Variants in NCOR2 observed in about 807,000 individuals in gnomAD.
The protein encoded by NCOR2 is CTG repeat protein 26.
NCOR2 carries 81 observed loss-of-function variants against 262.9 expected under a neutral mutation model. That is an observed-to-expected ratio of 0.31 (90% CI 0.26 to 0.37). NCOR2 has a LOEUF of 0.37. NCOR2 is among the 10% of genes least tolerant of loss of function. The pLI is 1.00. For missense variants in NCOR2, 3,385 were observed against 3,621.4 expected (o/e 0.93, Z 1.68); for synonymous variants, 1,659 against 1,559.3 (o/e 1.06, Z -1.51).
At chr12:124,528,370 C>A (rs987814500) in intron 1 of NCOR2, among the ~76,000 whole-genome samples, 5 of 152,208 alleles carry the variant, frequency 3.3e-5, no homozygotes, top group Non-Finnish European at 5.9e-5. Flanking sequence ...AATTTACAGG[C>A]CTCCTTCCCC....
intron 27 of NCOR2, among the ~76,000 whole-genome samples, chr12:124,353,570 G>A (rs1047567901): frequency 1.3e-5 from 2 of 152,236 alleles, no homozygotes; most frequent in Non-Finnish European, 2.9e-5. Context: ...AGACACACGT[G>A]GCACAAAACC....
At chr12:124,347,698 G>A (rs2037055714) in intron 30 of NCOR2, 127 bp downstream of exon 32, 1 of 868,656 alleles carries the variant, frequency 1.2e-6, no homozygotes, top group African/African-American at 1.7e-5. Context: ...ATGTACATGT[G>A]TGCTGCAGGC....
At chr12:124,497,118 T>C (rs933182368), upstream of NCOR2, among the ~76,000 whole-genome samples, 6 of 152,222 alleles carry the variant, frequency 3.9e-5, no homozygotes, top group African/African-American at 1.4e-4. This position sits in a 1 kb window ranked among gnomAD's most constrained non-coding sequence, Gnocchi z 4.2. Context: ...CAGCCCAAGC[T>C]GGGTTTCTGT....
chr12:124,334,488 A>G (rs1247274481), exon 41 of NCOR2: 2 of 1,454,930 alleles, frequency 1.4e-6, no homozygotes, highest in South Asian at 1.4e-5. Context: ...GGCGGGAGGT[A>G]GAGGTCACTG....
chr12:124,354,143 T>C, exon 27 of NCOR2: 1 of 1,610,346 alleles, frequency 6.2e-7, no homozygotes, highest in Non-Finnish European at 8.5e-7. Flanking sequence ...GGCACCCGTG[T>C]GCTGGGAATG....
chr12:124,348,282 C>T (rs1482395355), exon 29 of NCOR2: 1 of 1,612,488 alleles, frequency 6.2e-7, no homozygotes, highest in Admixed American at 1.7e-5. Flanking sequence ...CTTCTGCCGT[C>T]CTCCTTGGAG....
At chr12:124,362,478 C>T (rs1291036036) in intron 21 of NCOR2, among the ~76,000 whole-genome samples, 181 bp from the exon 24 acceptor site, 3 of 152,178 alleles carry the variant, frequency 2.0e-5, no homozygotes, top group African/African-American at 7.2e-5. Flanking sequence ...AAGCCCACCT[C>T]CCAGAAAGCC....
intron 3 of NCOR2, among the ~76,000 whole-genome samples, chr12:124,480,694 G>A (rs371204730): frequency 3.9e-5 from 6 of 152,020 alleles, no homozygotes; most frequent in African/African-American, 9.7e-5. Context: ...GGGAGGTGTC[G>A]TTCTCCAGCC....
chr12:124,449,959 G>A (rs1033410919), intron 6 of NCOR2, 92 bp from the exon 9 acceptor site: 24 of 1,362,854 alleles, frequency 1.8e-5, no homozygotes, highest in Non-Finnish European at 2.5e-5. Flanking sequence ...TGGCACGGAG[G>A]AGCTGTCCTC....
chr12:124,555,683 C>CG lies in NCOR2; in HGVS notation c.-165+11624dup, dbSNP rs1195140520. On this transcript the variant is annotated intron_variant, in intron 1 of 32. Coordinates refer to the NCOR2 transcript ENST00000458234. ...AACAGCAGACAAGTCTTGCTGGCCC[C>CG]GGGAATCCGCCCAGAAAGCTGCAGT... Among the ~76,000 whole-genome samples the CG allele has an allele frequency of 9.8e-5, 15 of 152,302 alleles. No homozygotes were observed. The East Asian group carries it at 2.7e-3, about 28-fold the overall frequency.
rs938996497 is a variant in NCOR2, at chr12:124,531,712, C to T, written c.-118+3853G>A. 1.3e-5 allele frequency among the ~76,000 whole-genome samples: 2 copies of T among 152,078 alleles called. No homozygotes were observed. Among genetic ancestry groups the T allele is most frequent in the African/African-American group, 4.8e-5 (2 of 41,404 alleles). On this transcript the variant is annotated intron_variant, in intron 1 of 46. Transcript: ENST00000404621. This position sits in a 1 kb window ranked among gnomAD's most constrained non-coding sequence, Gnocchi z 4.5. Reference sequence around the variant, plus strand: ...GGCCCCGTCCAACTGGGGTTAAAGCCGGTCCTCCCAGAGCCCCCGAGAGGT... The same window carrying T: ...GGCCCCGTCCAACTGGGGTTAAAGCTGGTCCTCCCAGAGCCCCCGAGAGGT...
At chr12:124,381,055 A>G (rs979806017) in intron 17 of NCOR2, among the ~76,000 whole-genome samples, 6 of 152,098 alleles carry the variant, frequency 3.9e-5, no homozygotes, top group African/African-American at 2.4e-5. Context: ...AAATCAGCGC[A>G]TGCCACCCCC....
At chr12:124,402,333 T>C in intron 14 of NCOR2, 71 bp downstream of exon 16, 1 of 1,592,782 alleles carries the variant, frequency 6.3e-7, no homozygotes, top group South Asian at 1.1e-5. Flanking sequence ...CTACAAAGGG[T>C]CCCCCAGAAC....
chr12:124,449,797 C>T lies in NCOR2; in HGVS notation c.815+18G>A. On this transcript the variant is annotated intron_variant, in intron 7 of 46. Coordinates refer to ENST00000405201, the Ensembl canonical transcript of NCOR2. ...ACCCTGCCTCTGTGTGTCTGCACGG[C>T]TGCCCGCGAGCACTCACATTTTGAT... is the stretch of plus-strand genomic sequence containing the variant. 6.2e-7 allele frequency: 1 copy of T among 1,613,826 alleles called. No homozygotes were observed. The highest frequency in any genetic ancestry group is 8.5e-7 in the Non-Finnish European group (1 of 1,179,860).
At chr12:124,413,427 C>T (rs1757482778) in intron 13 of NCOR2, among the ~76,000 whole-genome samples, 2 of 152,196 alleles carry the variant, frequency 1.3e-5, no homozygotes, top group African/African-American at 4.8e-5. Flanking sequence ...AATAAATGCC[C>T]CCGGATGAAC....
intron 8 of NCOR2, among the ~76,000 whole-genome samples, chr12:124,431,408 GCAGACAGA>G (rs139984344): frequency 6.7e-6 from 1 of 148,178 alleles, no homozygotes; most frequent in Admixed American, 6.7e-5. Flanking sequence ...AGATACACAG[GCAGACAGA>G]CAGACAGACA....
intron 8 of NCOR2, among the ~76,000 whole-genome samples, chr12:124,431,318 T>G (rs989651277): frequency 4.3e-5 from 6 of 141,050 alleles, no homozygotes; most frequent in Non-Finnish European, 9.2e-5. Context: ...CACAGTCACA[T>G]ACACACATGC....
intron 3 of NCOR2, among the ~76,000 whole-genome samples, chr12:124,478,592 C>G (rs2047231218): frequency 1.3e-5 from 2 of 152,098 alleles, no homozygotes; most frequent in Admixed American, 1.3e-4. Context: ...CAGGCATCTT[C>G]CCTTGCTCAG....
rs2041942074 is a variant in NCOR2, at chr12:124,400,641, T to C, written c.1673A>G (p.Asn558Ser). ...GGAGGCCACAGCCTCCTTCTCGTCGTTGTCCTCCCCTGAGGTGTCGTCTGT... is the reference window on the plus strand; with the variant it reads ...GGAGGCCACAGCCTCCTTCTCGTCGCTGTCCTCCCCTGAGGTGTCGTCTGT... Residue 558 changes from asparagine (N) to serine (S), a missense_variant, in exon 15 of 47, where the codon AAC (asparagine) becomes AGC (serine). By Grantham distance (46) the Asn-to-Ser change is conservative. Coordinates refer to ENST00000405201, the Ensembl canonical transcript of NCOR2. 1.2e-6 allele frequency: 2 copies of C among 1,614,192 alleles called. No homozygotes were observed. Among genetic ancestry groups the C allele is most frequent in the Non-Finnish European group, 1.7e-6 (2 of 1,180,042 alleles).
Sources: allele counts gnomAD v4.1 joint callset (sites outside exome capture counted in the v4.1 genomes callset), GRCh38; gene constraint gnomAD v4.1.1; non-coding constraint Gnocchi (gnomAD v3.1); transcripts MANE v1.5; gene names NCBI Gene and HGNC (gene_info 2026-07-23, HGNC 2026-07-21).